TMEM217B: variants seen among roughly 807,000 people sequenced by gnomAD.
TMEM217B encodes transmembrane protein 217B.
At chr6:37,226,279 GTCTTTTTTTTT>G in the TMEM217B span, among the ~76,000 whole-genome samples, 1 of 121,258 alleles carries the variant, frequency 8.2e-6, no homozygotes, top group African/African-American at 3.1e-5. Flanking sequence ...TTTTGAGACA[GTCTTTTTTTTT>G]TTTTTTTTTT....
At chr6:37,243,115 A>G in the TMEM217B span, among the ~76,000 whole-genome samples, 198 of 152,246 alleles carry the variant, frequency 1.3e-3, no homozygotes, top group African/African-American at 4.7e-3. Flanking sequence ...CAAAAAAAAG[A>G]GCCCCCTTAA....
the TMEM217B span, among the ~76,000 whole-genome samples, chr6:37,241,877 C>A: frequency 1.3e-5 from 2 of 152,024 alleles, no homozygotes; most frequent in Non-Finnish European, 1.5e-5. Flanking sequence ...TGTATGTAAC[C>A]GTGTAAATTT....
the TMEM217B span, among the ~76,000 whole-genome samples, chr6:37,252,650 T>A: frequency 7.0e-4 from 88 of 125,168 alleles, no homozygotes; most frequent in Non-Finnish European, 1.3e-3. Flanking sequence ...TTTTTTTTTT[T>A]TTTTTTTTTG....
At chr6:37,237,848 T>C in the TMEM217B span, among the ~76,000 whole-genome samples, 1 of 152,162 alleles carries the variant, frequency 6.6e-6, no homozygotes, top group South Asian at 2.1e-4. Context: ...TTTAGGACTT[T>C]ATATAGATGC....
chr6:37,234,373 T>C, the TMEM217B span, among the ~76,000 whole-genome samples: 1 of 152,250 alleles, frequency 6.6e-6, no homozygotes, highest in Non-Finnish European at 1.5e-5. Flanking sequence ...GTGCTGAAAC[T>C]ACAGGCGTGA....
chr6:37,218,973 C>A, the TMEM217B span: 182 of 1,614,160 alleles, frequency 1.1e-4, no homozygotes, highest in Non-Finnish European at 1.4e-4. Context: ...ATGGTGAAGA[C>A]CCCTGACAAC....
the TMEM217B span, among the ~76,000 whole-genome samples, chr6:37,220,488 A>G: frequency 2.0e-5 from 3 of 151,886 alleles, no homozygotes; most frequent in East Asian, 5.8e-4. Flanking sequence ...TGGCTTGTTA[A>G]CTACACTGAG....
the TMEM217B span, among the ~76,000 whole-genome samples, chr6:37,219,280 C>T: frequency 6.6e-6 from 1 of 152,054 alleles, no homozygotes; most frequent in African/African-American, 2.4e-5. Context: ...GGTTCTCAAC[C>T]CTGGATCCAC....
At chr6:37,238,836 A>G in the TMEM217B span, among the ~76,000 whole-genome samples, 2 of 152,236 alleles carry the variant, frequency 1.3e-5, no homozygotes, top group Non-Finnish European at 2.9e-5. Context: ...TGATTTTAAA[A>G]AATCTATGTC....
the TMEM217B span, among the ~76,000 whole-genome samples, chr6:37,226,527 G>A: frequency 6.6e-6 from 1 of 150,766 alleles, no homozygotes; most frequent in African/African-American, 2.4e-5. Context: ...TCGATCTCCT[G>A]ACCTCGTGAT....
At chr6:37,247,576 T>A in the TMEM217B span, among the ~76,000 whole-genome samples, 1 of 151,972 alleles carries the variant, frequency 6.6e-6, no homozygotes, top group Non-Finnish European at 1.5e-5. Context: ...TTGGTAGAGA[T>A]GGGGTTTCAC....
the TMEM217B span, among the ~76,000 whole-genome samples, chr6:37,242,856 C>G: frequency 6.6e-6 from 1 of 152,164 alleles, no homozygotes; most frequent in African/African-American, 2.4e-5. Flanking sequence ...ACACCAGTAT[C>G]CCAGGCAGGA....
the TMEM217B span, among the ~76,000 whole-genome samples, chr6:37,215,570 CAAAAAAAAAAAAAAA>C: frequency 5.5e-5 from 4 of 72,378 alleles, no homozygotes; most frequent in Admixed American, 8.5e-4. Context: ...GACTCTGTCT[CAAAAAAAAAAAAAAA>C]AAAAAAAAAA....
At chr6:37,233,430 C>A in the TMEM217B span, among the ~76,000 whole-genome samples, 1 of 152,188 alleles carries the variant, frequency 6.6e-6, no homozygotes, top group African/African-American at 2.4e-5. Flanking sequence ...GATTAAGGCA[C>A]CAGCAGGGCT....
chr6:37,236,966 GC>G, the TMEM217B span, among the ~76,000 whole-genome samples: 1 of 152,122 alleles, frequency 6.6e-6, no homozygotes, highest in Admixed American at 6.6e-5. Context: ...CTCTGTGTGG[GC>G]TCCTTTGGGC....
the TMEM217B span, chr6:37,215,420 C>A: frequency 9.0e-7 from 1 of 1,108,360 alleles, no homozygotes; most frequent in Non-Finnish European, 1.2e-6. Flanking sequence ...ACTAAAGATA[C>A]AAAAATTAGC....
the TMEM217B span, among the ~76,000 whole-genome samples, chr6:37,220,248 A>G: frequency 6.6e-6 from 1 of 152,356 alleles, no homozygotes; most frequent in African/African-American, 2.4e-5. Context: ...AGTGCTCCCC[A>G]AGTGGAAGGA....
the TMEM217B span, among the ~76,000 whole-genome samples, chr6:37,240,351 C>T: frequency 6.6e-6 from 1 of 152,166 alleles, no homozygotes; most frequent in Non-Finnish European, 1.5e-5. Context: ...CATCCAAGCT[C>T]GCTCTCTCTG....
the TMEM217B span, among the ~76,000 whole-genome samples, chr6:37,245,397 C>A: frequency 1.3e-5 from 2 of 152,238 alleles, no homozygotes; most frequent in African/African-American, 4.8e-5. Context: ...TGGCATTGCC[C>A]ATTAGTGGAA....
Sources: gnomAD v4.1 joint callset for allele counts (sites outside exome capture counted in the v4.1 genomes callset) on GRCh38, gnomAD v4.1.1 for gene constraint, MANE v1.5 for transcripts, NCBI Gene and HGNC (gene_info 2026-07-23, HGNC 2026-07-21) for gene names.